The following KRT8 variants were observed in gnomAD, a reference collection of about 807,000 sequenced individuals.
The protein encoded by KRT8 is keratin, type II cytoskeletal 8.
Under a neutral mutation model 43.0 loss-of-function variants are expected in KRT8, and 24 were observed. The ratio of observed to expected loss-of-function variants is 0.56; its 90% CI spans 0.40 to 0.78. The LOEUF is 0.78. KRT8 is among the 30% of genes least tolerant of loss of function. KRT8 has a pLI of 0.00. For synonymous variants in KRT8, 214 were observed against 261.2 expected (o/e 0.82, Z 1.74); for missense variants, 492 against 638.4 (o/e 0.77, Z 2.47).
intron 2 of KRT8, among the ~76,000 whole-genome samples, chr12:52,918,039 A>AG (rs1941783016): frequency 8.4e-6 from 1 of 118,796 alleles, no homozygotes; most frequent in African/African-American, 3.1e-5. Flanking sequence ...GGAGGAGGAG[A>AG]AGAAGAAGAA....
chr12:52,932,664 G>A (rs1032675471), intron 2 of KRT8, among the ~76,000 whole-genome samples: 5 of 151,986 alleles, frequency 3.3e-5, no homozygotes, highest in African/African-American at 1.2e-4. Context: ...TCCCAGCCAT[G>A]GGCAGTATGC....
At chr12:52,897,864 A>G (rs1476306429) in intron 7 of KRT8, among the ~76,000 whole-genome samples, 1 of 152,182 alleles carries the variant, frequency 6.6e-6, no homozygotes, top group Non-Finnish European at 1.5e-5. Flanking sequence ...AGCTTCCTCA[A>G]CTGAAGACGT....
At chr12:52,946,689 G>A (rs1475736601) in intron 2 of KRT8, 1 of 152,192 alleles carries the variant, frequency 6.6e-6, no homozygotes, top group African/African-American at 2.4e-5. Context: ...GAATATAAAG[G>A]TGAAAGCAGG....
chr12:52,928,110 G>A (rs1180874222), intron 2 of KRT8, among the ~76,000 whole-genome samples: 1 of 152,202 alleles, frequency 6.6e-6, no homozygotes, highest in Non-Finnish European at 1.5e-5. Context: ...CTGGGGAAAA[G>A]AAGGCATGGA....
chr12:52,939,797 A>G (rs1035888435), intron 2 of KRT8, among the ~76,000 whole-genome samples: 1 of 152,160 alleles, frequency 6.6e-6, no homozygotes, highest in Middle Eastern at 3.4e-3. Context: ...TAATTGCTAA[A>G]AACTGGAGCT....
intron 2 of KRT8, chr12:52,948,062 G>C (rs956200549): frequency 6.6e-6 from 1 of 152,274 alleles, no homozygotes; most frequent in African/African-American, 2.4e-5. Context: ...CCAAATCACA[G>C]TGTTCCACTG....
chr12:52,922,257 T>C lies in KRT8; in HGVS notation c.-46-17230A>G, dbSNP rs1941903713. Reference sequence around the variant, plus strand: ...GGGAGAGCCAGAACTGGACCCCGTCTGCCTCCAAAGCCATGTCTCTCCTCC... The same window carrying C: ...GGGAGAGCCAGAACTGGACCCCGTCCGCCTCCAAAGCCATGTCTCTCCTCC... On this transcript the variant is annotated intron_variant, in intron 2 of 6. Transcript: ENST00000546826. Among the ~76,000 whole-genome samples, 3 of 143,958 alleles carry C rather than the reference T, an allele frequency of 2.1e-5. No individual in the cohort carries two copies. The South Asian group carries it at 6.7e-4, about 32-fold the overall frequency. The allele number at this position is 143,958 out of a possible 152,430, so 94.4% of individuals were successfully genotyped here.
intron 2 of KRT8, among the ~76,000 whole-genome samples, chr12:52,933,677 CG>C (rs951736486): frequency 1.3e-5 from 2 of 151,790 alleles, no homozygotes; most frequent in African/African-American, 4.8e-5. Context: ...CAGGCTGAAG[CG>C]CAATGGGACA....
intron 2 of KRT8, among the ~76,000 whole-genome samples, chr12:52,934,707 G>C (rs865898796): frequency 6.6e-6 from 1 of 152,114 alleles, no homozygotes; most frequent in Non-Finnish European, 1.5e-5. Context: ...GGTGGCTCAC[G>C]CCTGTAATCC....
At chr12:52,943,846 G>A (rs1942303599) in intron 2 of KRT8, among the ~76,000 whole-genome samples, 1 of 152,236 alleles carries the variant, frequency 6.6e-6, no homozygotes, top group Non-Finnish European at 1.5e-5. Flanking sequence ...CCAGGAAAGA[G>A]GCTGACAGAG....
upstream of KRT8, among the ~76,000 whole-genome samples, chr12:52,910,739 C>T (rs566244183): frequency 1.3e-5 from 2 of 152,306 alleles, no homozygotes; most frequent in African/African-American, 2.4e-5. Flanking sequence ...CCTGGGGCTC[C>T]GCTATAGGCA....
At chr12:52,931,944 T>C (rs1042816091) in intron 2 of KRT8, among the ~76,000 whole-genome samples, 2 of 152,094 alleles carry the variant, frequency 1.3e-5, no homozygotes, top group Non-Finnish European at 2.9e-5. Context: ...ATTACAGGCA[T>C]GCGCCACTGC....
At chr12:52,899,944 G>C (rs1941322938) in exon 5 of KRT8, 3 of 1,613,326 alleles carry the variant, frequency 1.9e-6, no homozygotes, top group Non-Finnish European at 2.5e-6. Context: ...GCTGCGGTTG[G>C]CAATATCCTC....
chr12:52,906,672 G>A (rs776587434), upstream of KRT8: 10 of 455,788 alleles, frequency 2.2e-5, no homozygotes, highest in South Asian at 1.4e-4. Flanking sequence ...TGGGTTCTCT[G>A]GAAGATACTG....
chr12:52,922,713 A>G (rs1407012839), intron 2 of KRT8, among the ~76,000 whole-genome samples: 3 of 152,170 alleles, frequency 2.0e-5, no homozygotes. Context: ...AAGTACAAAT[A>G]ACCTCATTTT....
intron 2 of KRT8, among the ~76,000 whole-genome samples, chr12:52,918,209 A>AAGAAGAAGAAGAAGAAGAAGG (rs1941809191): frequency 8.8e-6 from 1 of 113,572 alleles, no homozygotes; most frequent in Non-Finnish European, 1.9e-5. Context: ...GAAGAACAAG[A>AAGAAGAAGAAGAAGAAGAAGG]AGAAGAAGAA....
intron 2 of KRT8, among the ~76,000 whole-genome samples, chr12:52,929,322 G>A (rs1565729893): frequency 6.6e-6 from 1 of 151,726 alleles, no homozygotes; most frequent in African/African-American, 2.4e-5. Flanking sequence ...CTCCTGAGTA[G>A]CTGGGATTAC....
chr12:52,948,203 C>A (rs1439267560), intron 2 of KRT8: 1 of 152,218 alleles, frequency 6.6e-6, no homozygotes, highest in Non-Finnish European at 1.5e-5. Flanking sequence ...GAGAGCACAC[C>A]TCTGTATGAT....
upstream of KRT8, among the ~76,000 whole-genome samples, chr12:52,907,500 C>A (rs1311385702): frequency 6.6e-6 from 1 of 152,200 alleles, no homozygotes; most frequent in Middle Eastern, 3.2e-3. Flanking sequence ...CAAAGCCTTT[C>A]CTGAAATTCC....
Sources: gnomAD v4.1 joint callset for allele counts (sites outside exome capture counted in the v4.1 genomes callset) on GRCh38, gnomAD v4.1.1 for gene constraint, MANE v1.5 for transcripts, NCBI Gene and HGNC (gene_info 2026-07-23, HGNC 2026-07-21) for gene names.